Variants in ITGAE observed in about 807,000 individuals in gnomAD.
The protein encoded by ITGAE is integrin subunit alpha E, also known as integrin alpha-E.
In ITGAE, 99 loss-of-function variants were observed where a neutral mutation model predicts 136.5. That is an observed-to-expected ratio of 0.73 (90% CI 0.62 to 0.86). The LOEUF (loss-of-function observed/expected upper bound fraction) is 0.86. ITGAE is among the 40% of genes least tolerant of loss of function. The pLI, the probability that ITGAE is intolerant of heterozygous loss-of-function variation, is 0.00. For missense variants in ITGAE, 1,447 were observed against 1,515.3 expected (o/e 0.95, Z 0.75); for synonymous variants, 613 against 591.8 (o/e 1.04, Z -0.52).
intron 27 of ITGAE, 115 bp downstream of exon 27, chr17:3,723,573 G>C (rs544509453): frequency 5.7e-5 from 68 of 1,184,034 alleles, no homozygotes; most frequent in Non-Finnish European, 6.7e-5. Context: ...GGGAGGGCCT[G>C]GCAGCCCCCG....
At chr17:3,776,226 T>G (rs1294905205) in intron 2 of ITGAE, among the ~76,000 whole-genome samples, 1 of 151,810 alleles carries the variant, frequency 6.6e-6, no homozygotes, top group East Asian at 2.0e-4. Flanking sequence ...CCCAGATAAT[T>G]TTTGTATTTT....
chr17:3,766,470 G>T (rs2052299964), intron 2 of ITGAE, among the ~76,000 whole-genome samples: 1 of 152,158 alleles, frequency 6.6e-6, no homozygotes, highest in Admixed American at 6.5e-5. Context: ...CAGCCCTGCT[G>T]ATAGCTTTTC....
intron 8 of ITGAE, among the ~76,000 whole-genome samples, chr17:3,758,680 G>A (rs2052087226): frequency 6.6e-6 from 1 of 151,738 alleles, no homozygotes; most frequent in African/African-American, 2.4e-5. Flanking sequence ...TTGAACTCCT[G>A]ACCTCAGGTG....
At chr17:3,769,838 T>TGCGA (rs1324688437) in intron 2 of ITGAE, among the ~76,000 whole-genome samples, 1 of 151,876 alleles carries the variant, frequency 6.6e-6, no homozygotes, top group Non-Finnish European at 1.5e-5. Context: ...TACAGGCATG[T>TGCGA]GCCACCACCA....
chr17:3,757,386 G>A (rs1387524834), intron 9 of ITGAE, among the ~76,000 whole-genome samples: 1 of 152,040 alleles, frequency 6.6e-6, no homozygotes, highest in Non-Finnish European at 1.5e-5. Context: ...TGCCTGCAGG[G>A]CCCCTCTCTG....
In ITGAE at chr17:3,745,927, C is replaced by G. The variant is rs145623236; in HGVS notation, c.2156G>C (p.Gly719Ala). 1.5e-3 allele frequency: 2,392 copies of G among 1,613,012 alleles called. 5 individuals are homozygous for G. The highest frequency in any genetic ancestry group is 1.8e-3 in the Non-Finnish European group (2,116 of 1,179,582). ...ISSVTTASES[G>A]LREALLNFTL... ...GAAGTTGAGAAGTGCCTCGCGGAGG[C>G]CTGGGAATGAAGACCAGACCTTCCC... Residue 719 changes from glycine to alanine, a missense_variant and splice_region_variant, in exon 18 of 31, where the codon GGC (glycine) becomes GCC (alanine). This residue lies in a region of ITGAE where 1,031 missense variants were observed against 1,011.4 expected (regional missense o/e 1.02). Transcript: ENST00000263087.
At chr17:3,769,986 C>G (rs2052382299) in intron 2 of ITGAE, among the ~76,000 whole-genome samples, 2 of 152,152 alleles carry the variant, frequency 1.3e-5, no homozygotes. Context: ...AGCCACCATG[C>G]CTGACCTTAT....
At chr17:3,727,549 G>A (rs900261464) in intron 26 of ITGAE, among the ~76,000 whole-genome samples, 21 of 151,926 alleles carry the variant, frequency 1.4e-4, no homozygotes, top group Admixed American at 5.9e-4. Flanking sequence ...ACAGGCGCCC[G>A]CCACCACGCC....
At chr17:3,736,364 C>T (rs2051459718) in intron 20 of ITGAE, among the ~76,000 whole-genome samples, 2 of 152,062 alleles carry the variant, frequency 1.3e-5, no homozygotes, top group African/African-American at 4.8e-5. Context: ...GTCTAGTAGT[C>T]CAAAGAATTG....
chr17:3,725,319 A>C (rs1402270435), intron 26 of ITGAE: 1 of 1,614,214 alleles, frequency 6.2e-7, no homozygotes, highest in Admixed American at 1.7e-5. Context: ...TGATGCTGAA[A>C]AGGTTTATGG....
In ITGAE at chr17:3,729,014, C is replaced by T. The variant is rs1249589760; in HGVS notation, c.2912+464G>A. 5.4e-5 allele frequency among the ~76,000 whole-genome samples: 8 copies of T among 146,924 alleles called. No homozygotes were observed. In the South Asian group the frequency reaches 8.6e-4, roughly 16 times the overall value. On this transcript the variant is annotated intron_variant, in intron 24 of 30. Transcript: ENST00000263087. ...TGGCACCACTGCACTCCAGCCTGGG[C>T]GACAGAGTGAGACTTCGTCTCAGTT...
chr17:3,734,170 A>G (rs1461437833), intron 21 of ITGAE, among the ~76,000 whole-genome samples: 1 of 152,174 alleles, frequency 6.6e-6, no homozygotes, highest in East Asian at 1.9e-4. Flanking sequence ...TCCCGGGTTC[A>G]CGCCATTCTC....
At chr17:3,770,770 T>G (rs551084045) in intron 2 of ITGAE, among the ~76,000 whole-genome samples, 2 of 152,050 alleles carry the variant, frequency 1.3e-5, no homozygotes, top group Admixed American at 1.3e-4. Context: ...CGCTGGGCCC[T>G]CCCCCAGCCC....
intron 27 of ITGAE, 51 bp downstream of exon 27, chr17:3,723,637 C>A: frequency 6.7e-7 from 1 of 1,500,880 alleles, no homozygotes. Flanking sequence ...CTCTCGTTAC[C>A]CGCTTCAGGC....
intron 19 of ITGAE, among the ~76,000 whole-genome samples, chr17:3,740,173 T>C (rs984772373): frequency 2.0e-5 from 3 of 152,154 alleles, no homozygotes; most frequent in Non-Finnish European, 4.4e-5. Flanking sequence ...CCCATGACAT[T>C]TACATCATGC....
At chr17:3,727,787 G>A (rs945549231) in intron 26 of ITGAE, 132 bp downstream of exon 26, 12 of 662,040 alleles carry the variant, frequency 1.8e-5, no homozygotes, top group South Asian at 7.3e-5. Flanking sequence ...ACAGGACTTC[G>A]GGAATTTACT....
rs1352057315 is a variant in ITGAE, at chr17:3,761,098, C to T, written c.513G>A (p.Val171=). 1 of 1,612,752 alleles carries T rather than the reference C, an allele frequency of 6.2e-7. No homozygotes were observed. The change falls in exon 6 of 31, where the codon GTG becomes GTA. Residue 171 remains valine, a synonymous_variant. Coordinates refer to ENST00000263087, the MANE Select transcript of ITGAE (RefSeq NM_002208.5). ...GAGCCCGGCGCTGCCTGGCTGTGTT[C>T]ACATCGTCTTCTCCACCGCCTTCTT... ...SNKEGGGEDD[V]NTARQRRALE... is the part of the protein sequence containing the mutation.
chr17:3,726,211 A>G, intron 26 of ITGAE: 4 of 1,614,228 alleles, frequency 2.5e-6, no homozygotes, highest in African/African-American at 1.3e-5. Flanking sequence ...ATGACCTTCA[A>G]GACTAAATGT....
intron 1 of ITGAE, among the ~76,000 whole-genome samples, chr17:3,781,136 C>A (rs1456735952): frequency 1.3e-5 from 2 of 152,174 alleles, no homozygotes; most frequent in Non-Finnish European, 2.9e-5. Context: ...TTTTCTCTAT[C>A]CAAGAGAAAC....
Sources: gnomAD v4.1 joint callset for allele counts (sites outside exome capture counted in the v4.1 genomes callset) on GRCh38, gnomAD v4.1.1 for gene constraint, gnomAD v4.1.1 regional missense constraint, MANE v1.5 for transcripts, NCBI Gene and HGNC (gene_info 2026-07-23, HGNC 2026-07-21) for gene names.